The following CHTF8 variants were observed in gnomAD, a reference collection of about 807,000 sequenced individuals.
The protein encoded by CHTF8 is chromosome transmission fidelity factor 8, also known as chromosome transmission fidelity protein 8 homolog.
CHTF8 carries 6 observed loss-of-function variants against 11.0 expected under a neutral mutation model. The observed-to-expected ratio is 0.55, with a 90% CI of 0.30 to 1.08. CHTF8 has a LOEUF of 1.08. Ranked by LOEUF, CHTF8 falls within the 50% of genes least tolerant of loss-of-function variation. CHTF8 has a pLI of 0.07. For synonymous variants in CHTF8, 53 were observed against 60.5 expected, an observed-to-expected ratio of 0.88 and a Z score of 0.57; for missense variants, 140 against 153.1, an observed-to-expected ratio of 0.91 and a Z score of 0.45.
At position 69,118,132 on chromosome 16, in the gene CHTF8, C is replaced by CCCCCCA; in HGVS notation, c.*2292_*2293insTGGGGG. On this transcript the variant is annotated 3_prime_UTR_variant, in exon 4 of 4. Transcript: ENST00000448552. ...ATTTCTTCCCTTCATCCCCCACCCC[C>CCCCCCA]ACCCTAATTCCCATATTCCCATCCA... 2 of 354,696 alleles carry CCCCCCA rather than the reference C, an allele frequency of 5.6e-6. No homozygotes were observed. 22.0% of individuals were successfully genotyped at this position (354,696 alleles called of 1,614,324 possible).
chr16:69,121,814 C>G (rs1365652137), intron 1 of CHTF8, among the ~76,000 whole-genome samples: 2 of 152,090 alleles, frequency 1.3e-5, no homozygotes, highest in Non-Finnish European at 2.9e-5. Flanking sequence ...ACTACAGGTG[C>G]CCGCCACCAC....
Position 69,120,423 on chromosome 16 carries a change from T to C in CHTF8, c.*2A>G, listed in dbSNP as rs543407711. The C allele has an allele frequency of 6.2e-7, 1 of 1,614,134 alleles. No homozygotes were observed. Among genetic ancestry groups the C allele is most frequent in the Non-Finnish European group, 8.5e-7 (1 of 1,180,018 alleles). On this transcript the variant is annotated 3_prime_UTR_variant, in exon 4 of 4. Coordinates refer to ENST00000448552, the MANE Select transcript of CHTF8 (RefSeq NM_001039690.5). This position sits in a 1 kb window ranked among gnomAD's most constrained non-coding sequence, Gnocchi z 4.0. ...GCTCTCTAGGGAAAATCCGAGGTTC[T>C]TTCATACTTTCTTGGGGACGCTGGT...
In CHTF8 at chr16:69,119,956, T is replaced by G. The variant is rs531325077; in HGVS notation, c.*469A>C. 91 of 701,228 alleles carry G rather than the reference T, an allele frequency of 1.3e-4. 1 individual carries two copies. Among genetic ancestry groups the G allele is most frequent in the South Asian group, 1.3e-3 (85 of 67,572 alleles). The allele number at this position is 701,228 out of a possible 1,614,324, so 43.4% of individuals were successfully genotyped here. A position where few individuals can be genotyped will look rare whatever the true frequency, so the allele number is the denominator to read the frequency against. On this transcript the variant is annotated 3_prime_UTR_variant, in exon 4 of 4. Coordinates refer to ENST00000448552, the MANE Select transcript of CHTF8 (RefSeq NM_001039690.5). ...TCCCAGGAGACCACCTGCCCTTGGG[T>G]TGGACATAGGACCTGGTCCTGGGAG... is the stretch of plus-strand genomic sequence containing the variant.
chr16:69,127,570 AAG>A (rs1204706855), intron 1 of CHTF8, among the ~76,000 whole-genome samples: 1 of 151,724 alleles, frequency 6.6e-6, no homozygotes, highest in East Asian at 1.9e-4. Context: ...AAGAAACTAA[AAG>A]AGAGTCAGTG....
Position 69,121,433 on chromosome 16 carries a change from T to C in CHTF8, c.23+3A>G, listed in dbSNP as rs761293566. 3 of 1,606,806 alleles carry C rather than the reference T, an allele frequency of 1.9e-6. No individual in the cohort carries two copies. The highest frequency in any genetic ancestry group is 2.5e-6 in the Non-Finnish European group (3 of 1,177,606). The stretch of plus-strand genomic sequence containing the variant: ...AAATTTTAAAATCTCAAAATGTACT[T>C]ACCTGGAAATAACAATTTGCACCAT... On this transcript the variant is annotated splice_donor_region_variant and intron_variant, in intron 2 of 3. Coordinates refer to ENST00000448552, the MANE Select transcript of CHTF8 (RefSeq NM_001039690.5).
chr16:69,129,675 C>T (rs77677888), intron 1 of CHTF8, among the ~76,000 whole-genome samples: 152 of 152,234 alleles, frequency 1.0e-3, no homozygotes, highest in African/African-American at 3.6e-3. Flanking sequence ...GGGATATGAA[C>T]CCTAACCCCT....
Position 69,119,577 on chromosome 16 carries a change from A to C in CHTF8, c.*848T>G, listed in dbSNP as rs1393657159. ...AGAAAGAAGCTGAATTTGCTCCTAA[A>C]AGACCTGCTGCTCTTAGAATGGGGG... On this transcript the variant is annotated 3_prime_UTR_variant, in exon 4 of 4. Transcript: ENST00000448552. 7.1e-6 allele frequency: 5 copies of C among 702,368 alleles called. No homozygotes were observed. Among genetic ancestry groups the C allele is most frequent in the Admixed American group, 2.0e-5 (1 of 49,924 alleles). The allele number at this position is 702,368 out of a possible 1,614,324, so 43.5% of individuals were successfully genotyped here.
At chr16:69,132,302 C>T (rs1245061067) in intron 1 of CHTF8, among the ~76,000 whole-genome samples, 182 bp downstream of exon 1, 2 of 143,934 alleles carry the variant, frequency 1.4e-5, no homozygotes, top group Admixed American at 6.8e-5. Context: ...CCGCCCTCCC[C>T]CTTCCCGGCC....
rs138549420 is a variant in CHTF8, at chr16:69,120,857, G to A, written c.141+196C>T. The stretch of plus-strand genomic sequence containing the variant: ...TAGGAGAATTTCCACTTTCAGAAAT[G>A]TGAGCTTTCCAGATTCCCCAAAATT... On this transcript the variant is annotated intron_variant, in intron 3 of 3. Transcript: ENST00000448552. This position sits in a 1 kb window ranked among gnomAD's most constrained non-coding sequence, Gnocchi z 4.0. 965 of 748,958 alleles carry A rather than the reference G, an allele frequency of 1.3e-3. 6 individuals carry two copies. In the African/African-American group the frequency reaches 0.013, roughly 10 times the overall value. The allele number at this position is 748,958 out of a possible 1,614,324, so 46.4% of individuals were successfully genotyped here. A position where few individuals can be genotyped will look rare whatever the true frequency, so the allele number is the denominator to read the frequency against.
chr16:69,118,240 T>C lies in CHTF8; in HGVS notation c.*2185A>G. 1 of 654,326 alleles carries C rather than the reference T, an allele frequency of 1.5e-6. No individual in the cohort carries two copies. The highest frequency in any genetic ancestry group is 2.8e-6 in the Non-Finnish European group (1 of 353,940). 40.5% of individuals were successfully genotyped at this position (654,326 alleles called of 1,614,324 possible). A position where few individuals can be genotyped will look rare whatever the true frequency, so the allele number is the denominator to read the frequency against. ...TGGATGAGTAGAGGGGCCTTAAATCTGGCCACCTCTAAGTCCCAGGAGAAG... is the reference window on the plus strand; with the variant it reads ...TGGATGAGTAGAGGGGCCTTAAATCCGGCCACCTCTAAGTCCCAGGAGAAG... On this transcript the variant is annotated 3_prime_UTR_variant, in exon 4 of 4. Transcript: ENST00000448552.
rs760160683 is a variant in CHTF8, at chr16:69,118,480, G to T, written c.*1945C>A. 34 of 1,452,090 alleles carry T rather than the reference G, an allele frequency of 2.3e-5. No individual in the cohort carries two copies. The highest frequency in any genetic ancestry group is 5.6e-5 in the African/African-American group (4 of 71,854). The allele number at this position is 1,452,090 out of a possible 1,614,324, so 90.0% of individuals were successfully genotyped here. ...AGCAGTGAGCTGATTCTCCAATGGT[G>T]AGCAGGGGACTACATGTGAACTGGG... On this transcript the variant is annotated 3_prime_UTR_variant, in exon 4 of 4. Coordinates refer to ENST00000448552, the MANE Select transcript of CHTF8 (RefSeq NM_001039690.5).
intron 1 of CHTF8, chr16:69,131,236 T>C (rs1962483391): frequency 6.6e-6 from 1 of 152,202 alleles, no homozygotes; most frequent in Non-Finnish European, 1.5e-5. Flanking sequence ...GTGGATGCTA[T>C]GCATACACGT....
At chr16:69,130,082 T>C (rs1027944979) in intron 1 of CHTF8, among the ~76,000 whole-genome samples, 7 of 152,254 alleles carry the variant, frequency 4.6e-5, no homozygotes, top group Non-Finnish European at 1.0e-4. Context: ...CTCTGGTCTC[T>C]GAATTGTTAA....
In CHTF8 at chr16:69,118,145, AT is replaced by A; in HGVS notation, c.*2279del. 2 of 287,946 alleles carry A rather than the reference AT, an allele frequency of 6.9e-6. No individual in the cohort carries two copies. Among genetic ancestry groups the A allele is most frequent in the East Asian group, 6.5e-5 (1 of 15,328 alleles). 17.8% of individuals were successfully genotyped at this position (287,946 alleles called of 1,614,324 possible). On this transcript the variant is annotated 3_prime_UTR_variant, in exon 4 of 4. Transcript: ENST00000448552. ...ATCCCCCACCCCCACCCTAATTCCC[AT>A]ATTCCCATCCACATCAGTTTAAATT...
Position 69,121,596 on chromosome 16 carries a change from G to A in CHTF8, c.-35-103C>T, listed in dbSNP as rs191305897. 2.1e-4 allele frequency: 135 copies of A among 656,982 alleles called. No homozygotes were observed. In the African/African-American group the frequency reaches 2.3e-3, roughly 11 times the overall value. 40.7% of individuals were successfully genotyped at this position (656,982 alleles called of 1,614,324 possible). ...GGGTTCAATCGATTCTCCTGCCTCA[G>A]CCTCCCGAGTAGCTGGGAATACAGG... On this transcript the variant is annotated intron_variant, in intron 1 of 3. Coordinates refer to ENST00000448552, the MANE Select transcript of CHTF8 (RefSeq NM_001039690.5).
chr16:69,120,261 A>T lies in CHTF8; in HGVS notation c.*164T>A. The T allele has an allele frequency of 1.4e-6, 1 of 725,750 alleles. No homozygotes were observed. Among genetic ancestry groups the T allele is most frequent in the Non-Finnish European group, 2.5e-6 (1 of 402,476 alleles). The allele number at this position is 725,750 out of a possible 1,614,324, so 45.0% of individuals were successfully genotyped here. ...ATGGGGTCAGATTTCCACCAAGAGA[A>T]CCGGCCGCCATAAGGAAGGGATCCG... On this transcript the variant is annotated 3_prime_UTR_variant, in exon 4 of 4. Transcript: ENST00000448552. This position sits in a 1 kb window ranked among gnomAD's most constrained non-coding sequence, Gnocchi z 4.0.
chr16:69,123,925 T>TTA (rs1961864978), intron 1 of CHTF8, among the ~76,000 whole-genome samples: 2 of 76,964 alleles, frequency 2.6e-5, no homozygotes, highest in African/African-American at 9.8e-5. Context: ...CCATCTCTAC[T>TTA]AAAAAAAAAA....
chr16:69,126,521 G>A (rs1481455878), intron 1 of CHTF8, among the ~76,000 whole-genome samples: 1 of 152,146 alleles, frequency 6.6e-6, no homozygotes, highest in African/African-American at 2.4e-5. Context: ...AAATAGTTCT[G>A]TGGCCCACAG....
chr16:69,121,001 G>T, intron 3 of CHTF8, 52 bp downstream of exon 3: 2 of 1,473,276 alleles, frequency 1.4e-6, no homozygotes, highest in Non-Finnish European at 1.9e-6. Context: ...GCACCACCTT[G>T]GTGTAGCTTG....
Sources: allele counts gnomAD v4.1 joint callset (sites outside exome capture counted in the v4.1 genomes callset), GRCh38; gene constraint gnomAD v4.1.1; non-coding constraint Gnocchi (gnomAD v3.1); transcripts MANE v1.5; gene names NCBI Gene and HGNC (gene_info 2026-07-23, HGNC 2026-07-21).